EPHA6: variants seen among roughly 807,000 people sequenced by gnomAD.
The protein encoded by EPHA6 is EPH receptor A6, also known as ephrin type-A receptor 6.
EPHA6 carries 50 observed loss-of-function variants against 112.0 expected under a neutral mutation model. That is an observed-to-expected ratio of 0.45 (90% confidence interval 0.36 to 0.56). The LOEUF (loss-of-function observed/expected upper bound fraction) is 0.56, where lower values mean the gene tolerates loss of function less well. Ranked by LOEUF, EPHA6 falls within the 20% of genes least tolerant of loss-of-function variation. The probability of loss-of-function intolerance (pLI) is 0.00; values close to 1 mark genes in which losing one functional copy is unlikely to be tolerated. For synonymous variants in EPHA6, 529 were observed against 490.7 expected (o/e 1.08, Z -1.03); for missense variants, 1,280 against 1,417.4 (o/e 0.90, Z 1.56).
At chr3:97,254,431 G>T (rs992941515) in intron 5 of EPHA6, among the ~76,000 whole-genome samples, 1 of 152,144 alleles carries the variant, frequency 6.6e-6, no homozygotes, top group African/African-American at 2.4e-5. Flanking sequence ...CTCTTGTTCC[G>T]CCTGCCTTGG....
intron 3 of EPHA6, among the ~76,000 whole-genome samples, chr3:97,033,053 GA>G (rs1311863692): frequency 6.7e-6 from 1 of 149,744 alleles, no homozygotes; most frequent in Non-Finnish European, 1.5e-5. Context: ...CCCAAATGTG[GA>G]AAAAAAGAAA....
intron 10 of EPHA6, among the ~76,000 whole-genome samples, chr3:97,523,714 T>C (rs1317238561): frequency 1.3e-5 from 2 of 152,076 alleles, no homozygotes; most frequent in Non-Finnish European, 2.9e-5. Flanking sequence ...ATGTTTGCTT[T>C]ATGTATCTAG....
At chr3:97,481,560 G>T (rs1577532895) in intron 9 of EPHA6, 2 of 662,996 alleles carry the variant, frequency 3.0e-6, no homozygotes, top group East Asian at 3.3e-5. Context: ...CCGGGGCGCG[G>T]CGCGTCCGGC....
At chr3:97,321,044 T>G (rs1258239807) in intron 5 of EPHA6, among the ~76,000 whole-genome samples, 1 of 151,978 alleles carries the variant, frequency 6.6e-6, no homozygotes, top group African/African-American at 2.4e-5. Context: ...TGTCTTTATT[T>G]TGACCTTTCA....
chr3:97,405,138 C>T lies in EPHA6; in HGVS notation c.1607-12C>T. 1 of 1,577,084 alleles carries T rather than the reference C, an allele frequency of 6.3e-7. No individual in the cohort carries two copies. Among genetic ancestry groups the T allele is most frequent in the Non-Finnish European group, 8.6e-7 (1 of 1,160,370 alleles). ...CTGCCAATTAATTCTTAGTTATTTT[C>T]TTTCCTTTCAGCACCTTCCCTGATA... is the stretch of plus-strand genomic sequence containing the variant. On this transcript the variant is annotated splice_polypyrimidine_tract_variant and intron_variant, in intron 5 of 17. Transcript: ENST00000389672.
intron 6 of EPHA6, among the ~76,000 whole-genome samples, chr3:97,430,782 T>C (rs1180492140): frequency 6.6e-6 from 1 of 152,124 alleles, no homozygotes; most frequent in East Asian, 1.9e-4. Flanking sequence ...TTTCAAAATG[T>C]CCTTTCTCAG....
At chr3:97,250,887 A>G (rs894942050) in intron 5 of EPHA6, among the ~76,000 whole-genome samples, 4 of 149,280 alleles carry the variant, frequency 2.7e-5, no homozygotes, top group African/African-American at 7.4e-5. Context: ...CTCTTTTTTT[A>G]GACAGAGTCT....
intron 3 of EPHA6, among the ~76,000 whole-genome samples, chr3:97,141,122 T>C (rs2075890312): frequency 1.3e-5 from 2 of 152,100 alleles, no homozygotes; most frequent in South Asian, 4.1e-4. Context: ...AAGGGTTCAA[T>C]TCAACAAGAA....
Position 97,158,658 on chromosome 3 carries a change from T to C in EPHA6, c.1115-67606T>C, listed in dbSNP as rs141848846. Among the ~76,000 whole-genome samples, 817 of 152,246 alleles carry C rather than the reference T, an allele frequency of 5.4e-3. 4 individuals are homozygous for C. Among genetic ancestry groups the C allele is most frequent in the African/African-American group, 0.018 (749 of 41,540 alleles). Reference sequence around the variant, plus strand: ...GGGTAGGGAAAAATAGTCATTTATGTCTTTGTCTGGCTCAGTGAATCTGCA... The same window carrying C: ...GGGTAGGGAAAAATAGTCATTTATGCCTTTGTCTGGCTCAGTGAATCTGCA... On this transcript the variant is annotated intron_variant, in intron 3 of 17. Transcript: ENST00000389672.
At chr3:96,917,767 CA>C (rs930622821) in intron 2 of EPHA6, among the ~76,000 whole-genome samples, 2 of 152,058 alleles carry the variant, frequency 1.3e-5, no homozygotes, top group African/African-American at 2.4e-5. Context: ...AATGTCTCAC[CA>C]AACAAAAGTA....
intron 1 of EPHA6, among the ~76,000 whole-genome samples, chr3:96,860,578 A>G (rs2035951816): frequency 6.6e-6 from 1 of 152,124 alleles, no homozygotes; most frequent in African/African-American, 2.4e-5. Flanking sequence ...CAAAGCCCAT[A>G]AAAGACTAGT....
At chr3:96,990,872 A>G (rs2043189558) in intron 3 of EPHA6, among the ~76,000 whole-genome samples, 1 of 152,210 alleles carries the variant, frequency 6.6e-6, no homozygotes, top group Non-Finnish European at 1.5e-5. Flanking sequence ...ATTCAAACTT[A>G]TATGAAAAAA....
At chr3:96,918,506 G>T (rs1165632297) in intron 2 of EPHA6, among the ~76,000 whole-genome samples, 1 of 152,094 alleles carries the variant, frequency 6.6e-6, no homozygotes, top group Non-Finnish European at 1.5e-5. Flanking sequence ...TAGGCAATGT[G>T]CAAGGCAGCA....
chr3:97,712,830 T>A (rs1236514677), intron 14 of EPHA6, among the ~76,000 whole-genome samples: 1 of 152,240 alleles, frequency 6.6e-6, no homozygotes, highest in African/African-American at 2.4e-5. Context: ...GAGCTGCTTA[T>A]ACATTTAAAC....
intron 3 of EPHA6, among the ~76,000 whole-genome samples, chr3:97,210,827 A>G (rs1039115079): frequency 6.6e-6 from 1 of 152,216 alleles, no homozygotes; most frequent in Admixed American, 6.5e-5. Context: ...TCTCTGCCCC[A>G]TGCAGCATCA....
intron 3 of EPHA6, among the ~76,000 whole-genome samples, chr3:97,224,087 TTGAAA>T (rs1220231414): frequency 9.9e-5 from 15 of 152,180 alleles, no homozygotes; most frequent in African/African-American, 3.6e-4. Flanking sequence ...TGATTTAATG[TTGAAA>T]TGATAATATT....
chr3:97,710,887 A>G (rs934660619), intron 14 of EPHA6, among the ~76,000 whole-genome samples: 3 of 152,232 alleles, frequency 2.0e-5, no homozygotes, highest in Non-Finnish European at 4.4e-5. Context: ...GAGTTTGCAA[A>G]TACTACTAGT....
intron 10 of EPHA6, among the ~76,000 whole-genome samples, chr3:97,520,486 G>A (rs971600868): frequency 2.6e-5 from 4 of 152,116 alleles, no homozygotes; most frequent in African/African-American, 9.7e-5. Context: ...GCTAGGTGTG[G>A]CATCTTTGGC....
At chr3:97,550,937 G>A (rs891143461) in intron 11 of EPHA6, among the ~76,000 whole-genome samples, 6 of 151,428 alleles carry the variant, frequency 4.0e-5, no homozygotes, top group African/African-American at 1.5e-4. Flanking sequence ...AAGGAAAGAA[G>A]GAACCTAATT....
Sources: gnomAD v4.1 joint callset for allele counts (sites outside exome capture counted in the v4.1 genomes callset) on GRCh38, gnomAD v4.1.1 for gene constraint, MANE v1.5 for transcripts, NCBI Gene and HGNC (gene_info 2026-07-23, HGNC 2026-07-21) for gene names.